The following FHIT variants were observed in gnomAD, a reference collection of about 807,000 sequenced individuals.
FHIT encodes the protein fragile histidine triad diadenosine triphosphatase.
FHIT carries 19 observed loss-of-function variants against 17.9 expected under a neutral mutation model. That is an observed-to-expected ratio of 1.06 (90% CI 0.74 to 1.56). FHIT has a LOEUF of 1.56. FHIT is among the 40% of genes most tolerant of loss of function. FHIT has a pLI of 0.00. For synonymous variants in FHIT, 81 were observed against 69.7 expected (o/e 1.16, Z -0.81); for missense variants, 248 against 189.2 (o/e 1.31, Z -1.82).
intron 3 of FHIT, among the ~76,000 whole-genome samples, chr3:60,999,614 G>A (rs2030923903): frequency 6.6e-6 from 1 of 151,710 alleles, no homozygotes; most frequent in African/African-American, 2.4e-5. Context: ...GTAGGTTAAG[G>A]TCCTGGGAAA....
chr3:60,928,306 A>C (rs1479075082), intron 3 of FHIT, among the ~76,000 whole-genome samples: 3 of 151,390 alleles, frequency 2.0e-5, no homozygotes, highest in Non-Finnish European at 2.9e-5. Flanking sequence ...ATGATCAACA[A>C]ATACTAAAAA....
intron 5 of FHIT, among the ~76,000 whole-genome samples, chr3:60,302,107 T>G (rs1708479889): frequency 6.6e-6 from 1 of 152,170 alleles, no homozygotes. Context: ...ATTAGAAATT[T>G]AACTGAAGGC....
chr3:60,411,566 T>C (rs777994850), intron 5 of FHIT, among the ~76,000 whole-genome samples: 15 of 152,208 alleles, frequency 9.9e-5, no homozygotes, highest in Non-Finnish European at 5.9e-5. Flanking sequence ...TTGGCTGATC[T>C]TTCTGGATTG....
chr3:60,371,971 C>T (rs537778164), intron 5 of FHIT, among the ~76,000 whole-genome samples: 7 of 151,936 alleles, frequency 4.6e-5, no homozygotes, highest in South Asian at 4.2e-4. Context: ...AAAATTGGCA[C>T]GGTCCTGCTA....
At chr3:60,509,479 A>T (rs555463624) in intron 5 of FHIT, among the ~76,000 whole-genome samples, 1 of 152,352 alleles carries the variant, frequency 6.6e-6, no homozygotes, top group Non-Finnish European at 1.5e-5. Flanking sequence ...GACTGAATCC[A>T]CATTCATAAT....
chr3:61,129,942 G>T lies in FHIT; in HGVS notation c.-164+70675C>A, dbSNP rs967233128. On this transcript the variant is annotated intron_variant, in intron 2 of 9. Transcript: ENST00000492590. ...GATTGCATGGTAATACCTGCTTACTGTAAAATATTCAAATGAGATAGTATC... is the reference window on the plus strand; with the variant it reads ...GATTGCATGGTAATACCTGCTTACTTTAAAATATTCAAATGAGATAGTATC... Among the ~76,000 whole-genome samples, 3 of 152,170 alleles carry T rather than the reference G, an allele frequency of 2.0e-5. No homozygotes were observed. The South Asian group carries it at 6.2e-4, about 32-fold the overall frequency.
At chr3:60,845,650 A>G (rs1028008689) in intron 3 of FHIT, among the ~76,000 whole-genome samples, 6 of 152,148 alleles carry the variant, frequency 3.9e-5, no homozygotes, top group Admixed American at 6.5e-5. Flanking sequence ...ATATCCTCCA[A>G]TTCTGATGCT....
At chr3:59,982,194 A>C (rs1218887312) in intron 7 of FHIT, among the ~76,000 whole-genome samples, 2 of 152,178 alleles carry the variant, frequency 1.3e-5, no homozygotes, top group East Asian at 3.9e-4. Flanking sequence ...AGAGTGAGGA[A>C]GATGGGGCTT....
intron 7 of FHIT, among the ~76,000 whole-genome samples, chr3:59,932,092 GTTC>G (rs1482935535): frequency 6.6e-6 from 1 of 152,100 alleles, no homozygotes; most frequent in Non-Finnish European, 1.5e-5. Context: ...TCATTGGCAA[GTTC>G]TTCTTCAATT....
intron 5 of FHIT, among the ~76,000 whole-genome samples, chr3:60,138,500 A>T (rs1225463602): frequency 1.3e-5 from 2 of 152,178 alleles, no homozygotes; most frequent in Non-Finnish European, 2.9e-5. Flanking sequence ...TGCACAAGTT[A>T]ATAATAACCT....
At chr3:60,967,959 A>G (rs1709829281) in intron 3 of FHIT, among the ~76,000 whole-genome samples, 1 of 152,242 alleles carries the variant, frequency 6.6e-6, no homozygotes, top group African/African-American at 2.4e-5. Context: ...ATAAAAGTAA[A>G]TTGTGCCAAT....
At chr3:60,489,516 G>T (rs537497041) in intron 5 of FHIT, among the ~76,000 whole-genome samples, 2 of 152,208 alleles carry the variant, frequency 1.3e-5, no homozygotes, top group East Asian at 3.9e-4. Flanking sequence ...TTGGCCTAAG[G>T]AGCCTATAGC....
chr3:61,174,700 T>G (rs1024451250), intron 2 of FHIT, among the ~76,000 whole-genome samples: 1 of 152,266 alleles, frequency 6.6e-6, no homozygotes, highest in African/African-American at 2.4e-5. Flanking sequence ...TCTTTTCCAC[T>G]TATTAATTTC....
At chr3:61,208,371 G>T (rs1409726405) in intron 1 of FHIT, among the ~76,000 whole-genome samples, 2 of 152,090 alleles carry the variant, frequency 1.3e-5, no homozygotes. Flanking sequence ...GGATATCCTT[G>T]TTAACTTTCT....
chr3:60,010,779 G>T (rs1700107424), intron 7 of FHIT, among the ~76,000 whole-genome samples: 1 of 152,060 alleles, frequency 6.6e-6, no homozygotes, highest in Admixed American at 6.6e-5. Context: ...TCTTCTCCTA[G>T]CACACTTAAA....
At chr3:59,908,179 C>T (rs557143907) in intron 8 of FHIT, among the ~76,000 whole-genome samples, 1 of 152,366 alleles carries the variant, frequency 6.6e-6, no homozygotes, top group South Asian at 2.1e-4. Context: ...AGCTGACTCA[C>T]TGCAAGCCAT....
chr3:60,441,828 C>CACATA (rs2030906026), intron 5 of FHIT, among the ~76,000 whole-genome samples: 5 of 106,856 alleles, frequency 4.7e-5, no homozygotes, highest in Middle Eastern at 5.0e-3. Flanking sequence ...GGTCATTTTT[C>CACATA]CTCCCGCTCA....
chr3:59,842,730 G>T (rs911430901), intron 8 of FHIT, among the ~76,000 whole-genome samples: 1 of 152,036 alleles, frequency 6.6e-6, no homozygotes, highest in African/African-American at 2.4e-5. Flanking sequence ...GTCTATTCTA[G>T]TCCTTTGCGC....
At chr3:60,319,030 C>G (rs1194554473) in intron 5 of FHIT, among the ~76,000 whole-genome samples, 1 of 152,122 alleles carries the variant, frequency 6.6e-6, no homozygotes, top group Non-Finnish European at 1.5e-5. Context: ...TCCTGCCTTC[C>G]TCTTCTTACA....
Sources: gnomAD v4.1 joint callset for allele counts (sites outside exome capture counted in the v4.1 genomes callset) on GRCh38, gnomAD v4.1.1 for gene constraint, MANE v1.5 for transcripts, NCBI Gene and HGNC (gene_info 2026-07-23, HGNC 2026-07-21) for gene names.